The following PRUNE2 variants were observed in gnomAD, a reference collection of about 807,000 sequenced individuals.
PRUNE2 encodes the protein protein prune homolog 2.
In PRUNE2, 164 loss-of-function variants were observed where a neutral mutation model predicts 252.0. The ratio of observed to expected loss-of-function variants is 0.65; its 90% confidence interval spans 0.57 to 0.74. The LOEUF is 0.74. Ranked by LOEUF, PRUNE2 falls within the 30% of genes least tolerant of loss-of-function variation. The pLI, the probability that PRUNE2 is intolerant of heterozygous loss-of-function variation, is 0.00. For missense variants in PRUNE2, 3,495 were observed against 3,711.0 expected (o/e 0.94, Z 1.51); for synonymous variants, 1,292 against 1,350.2 (o/e 0.96, Z 0.94).
At chr9:76,787,920 G>A (rs2055167293) in intron 6 of PRUNE2, among the ~76,000 whole-genome samples, 1 of 152,188 alleles carries the variant, frequency 6.6e-6, no homozygotes, top group Admixed American at 6.5e-5. Context: ...TGCTGCCGCA[G>A]CTTCCCACAT....
In PRUNE2 at chr9:76,707,764, T is replaced by C; in HGVS notation, c.4510A>G (p.Ser1504Gly). 4 of 1,613,606 alleles carry C rather than the reference T, an allele frequency of 2.5e-6. No individual in the cohort carries two copies. Among genetic ancestry groups the C allele is most frequent in the Non-Finnish European group, 3.4e-6 (4 of 1,179,692 alleles). Reference protein sequence around the residue: ...VPIDSDVHVSSTCSEITKNLD... With the variant: ...VPIDSDVHVSGTCSEITKNLD... ...TTTTTGGTTATCTCAGAACATGTGC[T>C]GCTGACATGCACATCACTGTCTATA... The change falls in exon 8 of 19, where the codon AGC becomes GGC. Residue 1504 changes from serine to glycine, a missense_variant. By Grantham distance (56) the Ser-to-Gly change is moderately conservative (BLOSUM62 0). Coordinates refer to ENST00000376718, the MANE Select transcript of PRUNE2 (RefSeq NM_015225.3).
At chr9:76,622,069 T>C (rs1038970573) in intron 17 of PRUNE2, among the ~76,000 whole-genome samples, 4 of 152,178 alleles carry the variant, frequency 2.6e-5, no homozygotes, top group African/African-American at 4.8e-5. Flanking sequence ...TGTTTTACCA[T>C]GTGCTCCAGG....
rs747718591 is a variant in PRUNE2 at position 76,708,274 on chromosome 9, TGGCTCCCTG to T, written c.3991_3999del (p.Gln1331_Ala1333del). 6.2e-7 allele frequency: 1 copy of T among 1,613,866 alleles called. No homozygotes were observed. The highest frequency in any genetic ancestry group is 2.2e-5 in the East Asian group (1 of 44,872). ...TCTTCATCAAGGTGCCCCCTGTCAG[TGGCTCCCTG>T]GGCTTCCTTCTCACTTTCACTTTGT... On this transcript the variant is annotated inframe_deletion, in exon 8 of 19. Coordinates refer to ENST00000376718, the MANE Select transcript of PRUNE2 (RefSeq NM_015225.3).
At chr9:76,723,347 G>A (rs1355557327) in intron 6 of PRUNE2, among the ~76,000 whole-genome samples, 2 of 152,168 alleles carry the variant, frequency 1.3e-5, no homozygotes, top group African/African-American at 4.8e-5. Context: ...CACAAGCAAC[G>A]GAAGAAGCCT....
intron 6 of PRUNE2, among the ~76,000 whole-genome samples, chr9:76,808,427 C>T (rs1209527475): frequency 6.6e-6 from 1 of 152,194 alleles, no homozygotes; most frequent in East Asian, 1.9e-4. Flanking sequence ...ACATGTCCTT[C>T]CCATCTCTTT....
intron 1 of PRUNE2, among the ~76,000 whole-genome samples, chr9:76,894,818 G>C (rs773937968): frequency 6.6e-6 from 1 of 151,654 alleles, no homozygotes; most frequent in Admixed American, 6.6e-5. Flanking sequence ...TCAGGAGTTC[G>C]AGATCAGCCT....
At chr9:76,619,796 G>A (rs700802) in intron 17 of PRUNE2, among the ~76,000 whole-genome samples, 101,602 of 152,034 alleles carry the variant, frequency 0.67, 35,496 homozygotes, top group Non-Finnish European at 0.8. Context: ...CAGTTTTCAC[G>A]AGAATGAGGA....
intron 6 of PRUNE2, among the ~76,000 whole-genome samples, chr9:76,752,360 G>C (rs1589021365): frequency 6.6e-6 from 1 of 152,130 alleles, no homozygotes; most frequent in Non-Finnish European, 1.5e-5. Flanking sequence ...GCCTCCCAAA[G>C]TGCTGGGATT....
At chr9:76,717,557 C>G (rs531042504) in intron 6 of PRUNE2, among the ~76,000 whole-genome samples, 4 of 152,176 alleles carry the variant, frequency 2.6e-5, no homozygotes, top group Non-Finnish European at 5.9e-5. Flanking sequence ...TTAATCTGCT[C>G]AAATGTCTCC....
intron 1 of PRUNE2, among the ~76,000 whole-genome samples, chr9:76,900,338 A>T (rs2133710034): frequency 6.6e-6 from 1 of 152,338 alleles, no homozygotes; most frequent in Admixed American, 6.5e-5. Context: ...TTCTAACCCA[A>T]ACTTTGTGGG....
intron 9 of PRUNE2, among the ~76,000 whole-genome samples, chr9:76,677,899 C>A (rs1003100007): frequency 6.6e-6 from 1 of 152,238 alleles, no homozygotes; most frequent in East Asian, 1.9e-4. Flanking sequence ...CCACACCCCA[C>A]GAGGATTTGC....
intron 4 of PRUNE2, among the ~76,000 whole-genome samples, chr9:76,845,255 GACT>G (rs1389722929): frequency 6.6e-6 from 1 of 152,044 alleles, no homozygotes; most frequent in Non-Finnish European, 1.5e-5. Context: ...GCTGCTTACT[GACT>G]ACATTTCTTT....
At position 76,710,726 on chromosome 9, in the gene PRUNE2, G is replaced by T; in HGVS notation, c.1548C>A (p.Ser516=). ...TGTTGGGGAAGAAGTCATCTGCTGG[G>T]GAGTAGTCTGCAGAATGAGAAGATT... is the stretch of plus-strand genomic sequence containing the variant. ...SQQSSHSADY[S]PADDFFPNSD... Residue 516 remains serine (S), a synonymous_variant, in exon 8 of 19, where the codon TCC becomes TCA. Coordinates refer to ENST00000376718, the MANE Select transcript of PRUNE2 (RefSeq NM_015225.3). The T allele has an allele frequency of 6.2e-7, 1 of 1,612,768 alleles. No individual in the cohort carries two copies. The highest frequency in any genetic ancestry group is 1.1e-5 in the South Asian group (1 of 90,754).
intron 6 of PRUNE2, among the ~76,000 whole-genome samples, chr9:76,801,520 T>A (rs557735305): frequency 6.6e-6 from 1 of 152,174 alleles, no homozygotes; most frequent in Non-Finnish European, 1.5e-5. Flanking sequence ...TTTTCAAATA[T>A]ATTATCAAAA....
chr9:76,624,551 G>A (rs979204319), intron 16 of PRUNE2, 61 bp from the exon 17 acceptor site: 1 of 1,225,872 alleles, frequency 8.2e-7, no homozygotes. Context: ...CACAGCATGA[G>A]ACAGTCACTC....
Position 76,638,281 on chromosome 9 carries a change from A to G in PRUNE2, c.8736T>C (p.Tyr2912=). ...YRRVISHGGY[Y]GDGLNAIIVF... ...CAATGATGGCATTTAGACCGTCCCCATAGTATCCTGGGGGACAAACAAAAA... is the reference window on the plus strand; with the variant it reads ...CAATGATGGCATTTAGACCGTCCCCGTAGTATCCTGGGGGACAAACAAAAA... Residue 2912 remains tyrosine (Y), a synonymous_variant, in exon 13 of 19, where the codon TAT becomes TAC. Transcript: ENST00000376718. The G allele has an allele frequency of 6.2e-7, 1 of 1,610,760 alleles. No homozygotes were observed. Among genetic ancestry groups the G allele is most frequent in the East Asian group, 2.2e-5 (1 of 44,842 alleles).
At chr9:76,676,597 CTG>C (rs2042636113) in intron 9 of PRUNE2, among the ~76,000 whole-genome samples, 1 of 152,010 alleles carries the variant, frequency 6.6e-6, no homozygotes, top group Non-Finnish European at 1.5e-5. Flanking sequence ...ACTTACTTTT[CTG>C]TGTTTCAATT....
At position 76,637,527 on chromosome 9, in the gene PRUNE2, A is replaced by C; in HGVS notation, c.8854T>G (p.Leu2952Val). The change falls in exon 14 of 19, where the codon TTG becomes GTG. Residue 2952 changes from leucine (L) to valine (V), a missense_variant. Coordinates refer to ENST00000376718, the MANE Select transcript of PRUNE2 (RefSeq NM_015225.3). ...ATCATATAGTCTTCAGCTACCATCA[A>C]CTCTAAAGTACTTATTACATATCTG... ...LFLYVISTLE[L>V]MVAEDYMIVY... is the part of the protein sequence containing the mutation. 3 of 1,613,130 alleles carry C rather than the reference A, an allele frequency of 1.9e-6. No homozygotes were observed. The highest frequency in any genetic ancestry group is 2.2e-5 in the East Asian group (1 of 44,822).
intron 1 of PRUNE2, among the ~76,000 whole-genome samples, chr9:76,875,807 T>G (rs941952508): frequency 2.0e-5 from 3 of 152,244 alleles, no homozygotes; most frequent in African/African-American, 7.2e-5. Flanking sequence ...GTCATACCAC[T>G]GCTATCCATC....
Sources: allele counts gnomAD v4.1 joint callset (sites outside exome capture counted in the v4.1 genomes callset), GRCh38; gene constraint gnomAD v4.1.1; transcripts MANE v1.5; gene names NCBI Gene and HGNC (gene_info 2026-07-23, HGNC 2026-07-21).